The following RTP1 variants were observed in gnomAD, a reference collection of about 807,000 sequenced individuals.
RTP1 encodes the protein receptor-transporting protein 1.
RTP1 carries 24 observed loss-of-function variants against 27.1 expected under a neutral mutation model. The observed-to-expected ratio is 0.89, with a 90% confidence interval of 0.64 to 1.25. The LOEUF (loss-of-function observed/expected upper bound fraction) is 1.25, where lower values mean the gene tolerates loss of function less well. Among genes scored for constraint, RTP1 ranks in the 50% most tolerant of loss-of-function variants. The pLI is 0.00. For synonymous variants in RTP1, 148 were observed against 148.1 expected (o/e 1.00, Z 0.00); for missense variants, 338 against 351.6 (o/e 0.96, Z 0.31).
At position 187,200,251 on chromosome 3, in the gene RTP1, A is replaced by G; in HGVS notation, c.*181A>G. The stretch of plus-strand genomic sequence containing the variant: ...TAAAACTCAGGGTTTGGGCAAGATC[A>G]TTGGTTTATCATAGTGAAACCCAGG... On this transcript the variant is annotated 3_prime_UTR_variant, in exon 2 of 2. Coordinates refer to ENST00000312295, the MANE Select transcript of RTP1 (RefSeq NM_153708.3). 1.9e-6 allele frequency: 1 copy of G among 522,572 alleles called. No homozygotes were observed. 32.4% of individuals were successfully genotyped at this position (522,572 alleles called of 1,614,324 possible).
rs959379921 is a variant in RTP1, at chr3:187,201,149, G to A, written c.*1079G>A. 1 of 152,262 alleles carries A rather than the reference G, an allele frequency of 6.6e-6. No homozygotes were observed. Among genetic ancestry groups the A allele is most frequent in the East Asian group, 1.9e-4 (1 of 5,202 alleles). The allele number at this position is 152,262 out of a possible 1,614,324, so 9.4% of individuals were successfully genotyped here. On this transcript the variant is annotated 3_prime_UTR_variant, in exon 2 of 2. Coordinates refer to ENST00000312295, the MANE Select transcript of RTP1 (RefSeq NM_153708.3). ...GGGATGGGGTATCTTCAGCAAGAGA[G>A]AGGGCGTTAAAGATGTAAAATGCTT...
rs1721701592 is a variant in RTP1, at chr3:187,200,533, A to C, written c.*463A>C. 6.6e-6 allele frequency: 1 copy of C among 152,094 alleles called. No individual in the cohort carries two copies. The highest frequency in any genetic ancestry group is 2.1e-4 in the South Asian group (1 of 4,812). 9.4% of individuals were successfully genotyped at this position (152,094 alleles called of 1,614,324 possible). On this transcript the variant is annotated 3_prime_UTR_variant, in exon 2 of 2. Transcript: ENST00000312295. ...GGGTGATCTCAAAAGGGCTTTCCAC[A>C]GTAATGAGCTCGACCTTGCTCTTAT...
chr3:187,198,008 T>A, intron 1 of RTP1: 1 of 531,290 alleles, frequency 1.9e-6, no homozygotes, highest in Non-Finnish European at 3.3e-6. Flanking sequence ...TTACTCTTCC[T>A]CTCTGAGTCA....
At chr3:187,197,848 C>T (rs1721631712) in intron 1 of RTP1, 61 bp downstream of exon 1, 21 of 1,517,638 alleles carry the variant, frequency 1.4e-5, no homozygotes, top group Non-Finnish European at 1.9e-5. Context: ...CTCTGGGGCA[C>T]CTTCCAAGGA....
rs1107187 is a variant in RTP1 at position 187,201,004 on chromosome 3, A to G, written c.*934A>G. 31,015 of 152,170 alleles carry G rather than the reference A, an allele frequency of 0.2. 4,057 individuals are homozygous for G. Among genetic ancestry groups the G allele is most frequent in the African/African-American group, 0.37 (15,359 of 41,462 alleles). The allele number at this position is 152,170 out of a possible 1,614,324, so 9.4% of individuals were successfully genotyped here. A position where few individuals can be genotyped will look rare whatever the true frequency, so the allele number is the denominator to read the frequency against. On this transcript the variant is annotated 3_prime_UTR_variant, in exon 2 of 2. Coordinates refer to ENST00000312295, the MANE Select transcript of RTP1 (RefSeq NM_153708.3). ...GATTCTCAGCAGTGCTGATGGCCAG[A>G]ATTCAGGAGCAGGGGCCTGGCCTCC...
chr3:187,199,025 A>T (rs1267882956), intron 1 of RTP1, among the ~76,000 whole-genome samples: 1 of 152,118 alleles, frequency 6.6e-6, no homozygotes, highest in Admixed American at 6.5e-5. Flanking sequence ...GGGAGACTAC[A>T]GGCCTTGGGG....
chr3:187,199,512 G>A (rs773943818), intron 1 of RTP1, 39 bp from the exon 2 acceptor site: 1 of 1,550,046 alleles, frequency 6.5e-7, no homozygotes. Flanking sequence ...CACCACCTCC[G>A]CCCGTCTTCT....
At chr3:187,197,823 C>T in intron 1 of RTP1, 36 bp downstream of exon 1, 1 of 1,591,338 alleles carries the variant, frequency 6.3e-7, no homozygotes, top group Non-Finnish European at 8.6e-7. Flanking sequence ...CTGCAGGCCG[C>T]CTCTAGGTCC....
chr3:187,199,792 C>T lies in RTP1; in HGVS notation c.514C>T (p.Gln172Ter). The change falls in exon 2 of 2, where the codon CAG becomes TAG. Residue 172 changes from glutamine to a stop codon, truncating the protein, a stop_gained. Coordinates refer to ENST00000312295, the MANE Select transcript of RTP1 (RefSeq NM_153708.3). LOFTEE classifies it high-confidence loss of function. ...GCAGTGCTACGGCGAGCGTGGCGGCCAGTACCGCATCCACGTGGCCAGCCG... is the reference window on the plus strand; with the variant it reads ...GCAGTGCTACGGCGAGCGTGGCGGCTAGTACCGCATCCACGTGGCCAGCCG... ...REQCYGERGG[Q>*]YRIHVASRQD... 1 of 1,612,974 alleles carries T rather than the reference C, an allele frequency of 6.2e-7. No homozygotes were observed. The highest frequency in any genetic ancestry group is 1.1e-5 in the South Asian group (1 of 91,058).
At chr3:187,197,997 G>A in intron 1 of RTP1, 1 of 553,092 alleles carries the variant, frequency 1.8e-6, no homozygotes, top group East Asian at 2.9e-5. Flanking sequence ...GATCACCTGT[G>A]TTACTCTTCC....
chr3:187,198,052 T>C, intron 1 of RTP1: 1 of 468,836 alleles, frequency 2.1e-6, no homozygotes, highest in Admixed American at 3.5e-5. Context: ...AGACATAGAA[T>C]ATACGTATGA....
At position 187,200,049 on chromosome 3, in the gene RTP1, C is replaced by T; in HGVS notation, c.771C>T (p.Phe257=). 1 of 1,514,992 alleles carries T rather than the reference C, an allele frequency of 6.6e-7. No homozygotes were observed. The highest frequency in any genetic ancestry group is 1.3e-5 in the South Asian group (1 of 75,074). The allele number at this position is 1,514,992 out of a possible 1,614,324, so 93.8% of individuals were successfully genotyped here. A position where few individuals can be genotyped will look rare whatever the true frequency, so the allele number is the denominator to read the frequency against. Residue 257 remains phenylalanine (F), a synonymous_variant, in exon 2 of 2, where the codon TTC becomes TTT. Coordinates refer to ENST00000312295, the MANE Select transcript of RTP1 (RefSeq NM_153708.3). ...TGCTGCTGATCATCTACCTGCAGTT[C>T]TCTTTCCGTAGCTCCGTATAAGATT... ...TVLLLIIYLQ[F]SFRSSV
chr3:187,197,617 C>G lies in RTP1; in HGVS notation c.102C>G (p.Asp34Glu). 1 of 1,614,162 alleles carries G rather than the reference C, an allele frequency of 6.2e-7. No individual in the cohort carries two copies. The highest frequency in any genetic ancestry group is 1.3e-5 in the African/African-American group (1 of 75,036). Residue 34 changes from aspartate (D) to glutamate (E), a missense_variant, in exon 1 of 2, where the codon GAC becomes GAG. This residue lies in a region of RTP1 where 64 missense variants were observed against 74.5 expected (regional missense o/e 0.86). Coordinates refer to ENST00000312295, the MANE Select transcript of RTP1 (RefSeq NM_153708.3). ...LRWKLPSLTT[D>E]ETMCKSVTTD... ...GGAAATTGCCTTCCCTCACTACTGA[C>G]GAGACCATGTGTAAAAGCGTGACCA... is the stretch of plus-strand genomic sequence containing the variant.
chr3:187,199,244 A>AT, intron 1 of RTP1: 1 of 382,918 alleles, frequency 2.6e-6, no homozygotes, highest in Non-Finnish European at 4.7e-6. Context: ...CACCAAGCGC[A>AT]TTTTGCCCAT....
Position 187,197,511 on chromosome 3 carries a change from T to G in RTP1, c.-5T>G. 1 of 1,611,732 alleles carries G rather than the reference T, an allele frequency of 6.2e-7. No homozygotes were observed. The highest frequency in any genetic ancestry group is 8.5e-7 in the Non-Finnish European group (1 of 1,177,980). On this transcript the variant is annotated 5_prime_UTR_variant, in exon 1 of 2. Coordinates refer to ENST00000312295, the MANE Select transcript of RTP1 (RefSeq NM_153708.3). ...GCTGGGTCCTGCTTCCTCCTGGTCT[T>G]GTCGATGAGGATTTTTAGACCGTGG...
At position 187,200,365 on chromosome 3, in the gene RTP1, A is replaced by C; in HGVS notation, c.*295A>C. ...GGTGTCTCCAACTCCTGATCTAAAC[A>C]CCCATCCTCCAACTCCTACCTCCTC... On this transcript the variant is annotated 3_prime_UTR_variant, in exon 2 of 2. Transcript: ENST00000312295. The C allele has an allele frequency of 4.0e-6, 1 of 251,338 alleles. No homozygotes were observed. The highest frequency in any genetic ancestry group is 1.8e-4 in the South Asian group (1 of 5,592). 15.6% of individuals were successfully genotyped at this position (251,338 alleles called of 1,614,324 possible).
At chr3:187,197,809 A>G (rs558799149) in intron 1 of RTP1, 22 bp downstream of exon 1, 7 of 1,605,056 alleles carry the variant, frequency 4.4e-6, no homozygotes, top group African/African-American at 2.7e-5. Context: ...AGGAAGGTGG[A>G]TCCCTGCAGG....
Position 187,199,846 on chromosome 3 carries a change from T to C in RTP1, c.568T>C (p.Phe190Leu), listed in dbSNP as rs1222191469. 6.2e-7 allele frequency: 1 copy of C among 1,603,474 alleles called. No individual in the cohort carries two copies. The highest frequency in any genetic ancestry group is 8.5e-7 in the Non-Finnish European group (1 of 1,171,804). The part of the protein sequence containing the change: ...RQDNRRHRGE[F>L]CEACQEGIVH... Reference sequence around the variant, plus strand: ...GGACAACCGGCGGCACCGCGGAGAGTTCTGCGAGGCCTGCCAGGAGGGCAT... The same window carrying C: ...GGACAACCGGCGGCACCGCGGAGAGCTCTGCGAGGCCTGCCAGGAGGGCAT... The change falls in exon 2 of 2, where the codon TTC (phenylalanine) becomes CTC (leucine). Residue 190 changes from phenylalanine (F) to leucine (L), a missense_variant. By Grantham distance (22) the Phe-to-Leu change is conservative. Coordinates refer to ENST00000312295, the MANE Select transcript of RTP1 (RefSeq NM_153708.3).
chr3:187,199,593 C>A lies in RTP1; in HGVS notation c.315C>A (p.Tyr105Ter), dbSNP rs774041536. The A allele has an allele frequency of 1.4e-5, 22 of 1,605,328 alleles. No individual in the cohort carries two copies. The South Asian group carries it at 2.1e-4, about 15-fold the overall frequency. Reference protein sequence around the residue: ...SWCWHTWQSPYVVILFHMFLD... With the variant: ...SWCWHTWQSP Reference sequence around the variant, plus strand: ...GCTGGCACACCTGGCAGTCGCCCTACGTGGTCATCCTCTTCCACATGTTCC... The same window carrying A: ...GCTGGCACACCTGGCAGTCGCCCTAAGTGGTCATCCTCTTCCACATGTTCC... The change falls in exon 2 of 2, where the codon TAC (tyrosine) becomes TAA (stop). Residue 105 changes from tyrosine (Y) to a stop codon, truncating the protein, a stop_gained. Transcript: ENST00000312295. LOFTEE classifies it high-confidence loss of function.
Sources: allele counts gnomAD v4.1 joint callset (sites outside exome capture counted in the v4.1 genomes callset), GRCh38; gene constraint gnomAD v4.1.1; regional missense constraint gnomAD v4.1.1; transcripts MANE v1.5; gene names NCBI Gene and HGNC (gene_info 2026-07-23, HGNC 2026-07-21).